Variants in CRISPLD2 observed in about 807,000 individuals in gnomAD.
CRISPLD2 encodes cysteine-rich secretory protein LCCL domain-containing 2.
CRISPLD2 carries 47 observed loss-of-function variants against 71.1 expected under a neutral mutation model. The observed-to-expected ratio is 0.66, with a 90% confidence interval of 0.52 to 0.84. The LOEUF (loss-of-function observed/expected upper bound fraction) is 0.84, where lower values mean the gene tolerates loss of function less well. Among genes scored for constraint, CRISPLD2 ranks in the 40% least tolerant of loss-of-function variants. The pLI is 0.00. For synonymous variants in CRISPLD2, 317 were observed against 250.1 expected (o/e 1.27, Z -2.52); for missense variants, 830 against 651.1 (o/e 1.27, Z -2.99).
Position 84,877,514 on chromosome 16 carries a change from A to G in CRISPLD2, c.1229+4A>G. On this transcript the variant is annotated splice_donor_region_variant and intron_variant, in intron 12 of 14. Coordinates refer to ENST00000262424, the MANE Select transcript of CRISPLD2 (RefSeq NM_031476.4). ...AGCCAGCAACTCACTGCCCAAGGTA[A>G]GGCGGGCCTGATCTGTCATCTTTTC... 6.2e-7 allele frequency: 1 copy of G among 1,613,618 alleles called. No homozygotes were observed. Among genetic ancestry groups the G allele is most frequent in the Non-Finnish European group, 8.5e-7 (1 of 1,179,598 alleles).
intron 2 of CRISPLD2, among the ~76,000 whole-genome samples, chr16:84,844,333 T>G (rs1403365637): frequency 6.6e-6 from 1 of 152,184 alleles, no homozygotes; most frequent in Non-Finnish European, 1.5e-5. Flanking sequence ...CTCTTGTCAA[T>G]TTCTTCTCAT....
At chr16:84,883,363 G>T (rs180858797) in intron 13 of CRISPLD2, among the ~76,000 whole-genome samples, 8 of 152,346 alleles carry the variant, frequency 5.3e-5, no homozygotes, top group African/African-American at 1.7e-4. Context: ...TTTCCTGGCA[G>T]ACCCCTCGCT....
chr16:84,852,355 G>A (rs56345949), intron 5 of CRISPLD2, among the ~76,000 whole-genome samples: 85,685 of 151,638 alleles, frequency 0.57, 26,076 homozygotes, highest in East Asian at 0.82. Flanking sequence ...AGGCTCTCTC[G>A]TGCCCTACAA....
chr16:84,849,419 T>C lies in CRISPLD2; in HGVS notation c.394T>C (p.Tyr132His), dbSNP rs747782464. The change falls in exon 4 of 15, where the codon TAT (tyrosine) becomes CAT (histidine). Residue 132 changes from tyrosine to histidine, a missense_variant. By Grantham distance (83) the Tyr-to-His change is moderately conservative. Coordinates refer to ENST00000262424, the MANE Select transcript of CRISPLD2 (RefSeq NM_031476.4). ...TCCGGGGTTCCATGTGCAGTCCTGG[T>C]ATGACGAGGTGAAGGACTACACCTA... is the stretch of plus-strand genomic sequence containing the variant. ...RSPGFHVQSW[Y>H]DEVKDYTYPY... The C allele has an allele frequency of 9.9e-6, 16 of 1,613,992 alleles. No homozygotes were observed. Among genetic ancestry groups the C allele is most frequent in the Non-Finnish European group, 1.4e-5 (16 of 1,180,012 alleles).
chr16:84,863,571 C>T (rs1439736252), intron 6 of CRISPLD2, among the ~76,000 whole-genome samples: 2 of 152,238 alleles, frequency 1.3e-5, no homozygotes, highest in African/African-American at 4.8e-5. Flanking sequence ...TACTTCCCAG[C>T]TGTGCGAGCC....
intron 13 of CRISPLD2, among the ~76,000 whole-genome samples, chr16:84,885,829 T>G (rs2071608111): frequency 6.9e-6 from 1 of 145,098 alleles, no homozygotes; most frequent in Non-Finnish European, 1.5e-5. Flanking sequence ...TTTTTTTTTT[T>G]TTTTTGAGAT....
In CRISPLD2 at chr16:84,867,002, C is replaced by T; in HGVS notation, c.815C>T (p.Pro272Leu). ...TGGCTCCAACCGAGGGTGATGAGAC[C>T]CACCAAGCCCAAGAAAACCTCTGCG... The part of the protein sequence containing the change: ...HVWLQPRVMR[P>L]TKPKKTSAVN... Residue 272 changes from proline (P) to leucine (L), a missense_variant, in exon 7 of 15, where the codon CCC (proline) becomes CTC (leucine). Physicochemically the swap from Pro to Leu is moderately conservative, Grantham distance 98. Transcript: ENST00000262424. 3.7e-6 allele frequency: 6 copies of T among 1,614,018 alleles called. No homozygotes were observed. The highest frequency in any genetic ancestry group is 5.1e-6 in the Non-Finnish European group (6 of 1,179,992).
chr16:84,889,393 C>T, intron 14 of CRISPLD2, 30 bp downstream of exon 14: 2 of 1,584,566 alleles, frequency 1.3e-6, no homozygotes, highest in Non-Finnish European at 8.6e-7. Context: ...CCCTTGACAC[C>T]CAATCCCGGC....
intron 3 of CRISPLD2, among the ~76,000 whole-genome samples, chr16:84,848,071 A>G (rs1340666572): frequency 1.3e-5 from 2 of 152,174 alleles, no homozygotes; most frequent in African/African-American, 4.8e-5. Context: ...TTCTTAAGGA[A>G]TTTTGCTAAC....
At chr16:84,893,268 C>T (rs182304215) in intron 14 of CRISPLD2, among the ~76,000 whole-genome samples, 189 of 152,274 alleles carry the variant, frequency 1.2e-3, no homozygotes, top group Non-Finnish European at 1.9e-3. Flanking sequence ...GTCCAGCCCT[C>T]GGCTAGCGGC....
Position 84,908,257 on chromosome 16 carries a change from G to A in CRISPLD2, c.*1615G>A, listed in dbSNP as rs1462954969. ...GCAGTTCAACTCTTAGCTTGACTGAGCTAAAATTCACAGGACTACGTGCTT... is the reference window on the plus strand; with the variant it reads ...GCAGTTCAACTCTTAGCTTGACTGAACTAAAATTCACAGGACTACGTGCTT... On this transcript the variant is annotated 3_prime_UTR_variant, in exon 15 of 15. Coordinates refer to ENST00000262424, the MANE Select transcript of CRISPLD2 (RefSeq NM_031476.4). 1.3e-5 allele frequency: 2 copies of A among 152,216 alleles called. No individual in the cohort carries two copies. The highest frequency in any genetic ancestry group is 3.9e-4 in the East Asian group (2 of 5,194). The allele number at this position is 152,216 out of a possible 1,614,324, so 9.4% of individuals were successfully genotyped here.
intron 8 of CRISPLD2, among the ~76,000 whole-genome samples, chr16:84,870,376 G>C (rs1373926086): frequency 6.6e-6 from 1 of 151,676 alleles, no homozygotes; most frequent in African/African-American, 2.4e-5. Flanking sequence ...CTGAAGTGCA[G>C]CAGCATGATC....
At chr16:84,886,715 T>G (rs905911381) in intron 13 of CRISPLD2, among the ~76,000 whole-genome samples, 2 of 152,096 alleles carry the variant, frequency 1.3e-5, no homozygotes, top group Non-Finnish European at 2.9e-5. Flanking sequence ...CCCAGCTACT[T>G]GAGAAGCTGA....
At chr16:84,825,501 G>A (rs12934143) in intron 1 of CRISPLD2, among the ~76,000 whole-genome samples, 77,722 of 152,042 alleles carry the variant, frequency 0.51, 21,572 homozygotes, top group Non-Finnish European at 0.64. Flanking sequence ...TACACCTATA[G>A]TCTCAGCACT....
intron 11 of CRISPLD2, among the ~76,000 whole-genome samples, chr16:84,875,960 T>G (rs1390565837): frequency 6.6e-6 from 1 of 152,194 alleles, no homozygotes; most frequent in Non-Finnish European, 1.5e-5. Flanking sequence ...GTCCCCTTTG[T>G]TGGATAGCTA....
intron 5 of CRISPLD2, among the ~76,000 whole-genome samples, chr16:84,852,897 C>CT (rs1258319372): frequency 1.3e-5 from 2 of 152,128 alleles, no homozygotes; most frequent in Non-Finnish European, 2.9e-5. Flanking sequence ...AAAACCCCAT[C>CT]TCCACGAAAA....
intron 13 of CRISPLD2, among the ~76,000 whole-genome samples, chr16:84,884,123 G>A (rs1352017462): frequency 1.3e-5 from 2 of 152,150 alleles, no homozygotes; most frequent in East Asian, 3.9e-4. Context: ...GGGATTACAG[G>A]CGTGAGCCAC....
intron 3 of CRISPLD2, 174 bp from the exon 4 acceptor site, chr16:84,849,211 G>T: frequency 1.6e-6 from 1 of 622,212 alleles, no homozygotes; most frequent in Admixed American, 2.9e-5. Flanking sequence ...TGGAATTGGG[G>T]GCTATTCCGC....
intron 1 of CRISPLD2, among the ~76,000 whole-genome samples, chr16:84,827,455 C>A (rs1005326709): frequency 1.3e-5 from 2 of 152,136 alleles, no homozygotes; most frequent in South Asian, 4.1e-4. Flanking sequence ...CATTCCTCCC[C>A]AGCTTCATGG....
Sources: allele counts gnomAD v4.1 joint callset (sites outside exome capture counted in the v4.1 genomes callset), GRCh38; gene constraint gnomAD v4.1.1; transcripts MANE v1.5; gene names NCBI Gene and HGNC (gene_info 2026-07-23, HGNC 2026-07-21).